The following PEAK1 variants were observed in gnomAD, a reference collection of about 807,000 sequenced individuals.
PEAK1 encodes the protein inactive tyrosine-protein kinase PEAK1.
Under a neutral mutation model 124.7 loss-of-function variants are expected in PEAK1, and 54 were observed. The observed-to-expected ratio is 0.43, with a 90% CI of 0.35 to 0.54. PEAK1 has a LOEUF of 0.54. Among genes scored for constraint, PEAK1 ranks in the 20% least tolerant of loss-of-function variants. The pLI is 0.01. For missense variants in PEAK1, 2,046 were observed against 2,134.5 expected, an observed-to-expected ratio of 0.96 and a Z score of 0.82; for synonymous variants, 719 against 760.0, an observed-to-expected ratio of 0.95 and a Z score of 0.89.
At chr15:77,399,656 A>C (rs923649255) in intron 1 of PEAK1, among the ~76,000 whole-genome samples, 1 of 152,228 alleles carries the variant, frequency 6.6e-6, no homozygotes, top group Non-Finnish European at 1.5e-5. Context: ...ATACACAAAA[A>C]GTCAAATCAA....
At position 77,133,810 on chromosome 15, in the gene PEAK1, A is replaced by G; in HGVS notation, c.3332-60T>C. ...TAAGTAAAGTTTTCAATCTAATTTT[A>G]TAACTGAAACTTGAGCAGAAATGAG... On this transcript the variant is annotated intron_variant, in intron 8 of 9. Transcript: ENST00000682557. This position sits in a 1 kb window ranked among gnomAD's most constrained non-coding sequence, Gnocchi z 4.2. 1.4e-6 allele frequency: 2 copies of G among 1,481,270 alleles called. No homozygotes were observed. The highest frequency in any genetic ancestry group is 1.8e-6 in the Non-Finnish European group (2 of 1,117,524). 91.8% of individuals were successfully genotyped at this position (1,481,270 alleles called of 1,614,324 possible). A position where few individuals can be genotyped will look rare whatever the true frequency, so the allele number is the denominator to read the frequency against.
chr15:77,175,901 C>T (rs2056832624), intron 7 of PEAK1, among the ~76,000 whole-genome samples: 1 of 152,168 alleles, frequency 6.6e-6, no homozygotes, highest in Non-Finnish European at 1.5e-5. Context: ...GGCACATATA[C>T]ACCACAGAAT....
intron 9 of PEAK1, among the ~76,000 whole-genome samples, chr15:77,122,755 C>T (rs1040810247): frequency 2.6e-5 from 4 of 152,182 alleles, no homozygotes; most frequent in Admixed American, 2.6e-4. Context: ...TGATCAATCA[C>T]TTTCTGTAAA....
intron 6 of PEAK1, among the ~76,000 whole-genome samples, chr15:77,210,155 A>ATG (rs1423112153): frequency 2.2e-4 from 33 of 152,338 alleles, no homozygotes; most frequent in Middle Eastern, 3.4e-3. Context: ...AACTATCCTT[A>ATG]TATTTACTTC....
chr15:77,239,924 C>T lies in PEAK1; in HGVS notation c.-115+12443G>A, dbSNP rs1277161290. 1.3e-5 allele frequency: 10 copies of T among 790,360 alleles called. No individual in the cohort carries two copies. In the East Asian group the frequency reaches 1.1e-3, roughly 90 times the overall value. The allele number at this position is 790,360 out of a possible 1,614,324, so 49.0% of individuals were successfully genotyped here. On this transcript the variant is annotated intron_variant, in intron 6 of 9. Coordinates refer to ENST00000682557, the MANE Select transcript of PEAK1 (RefSeq NM_001385026.1). ...ATAATGGCAACCTAATTATATGTTTCTGTTTGTATTTTTTAAAATACTATG... is the reference window on the plus strand; with the variant it reads ...ATAATGGCAACCTAATTATATGTTTTTGTTTGTATTTTTTAAAATACTATG...
chr15:77,286,860 A>G (rs1002808113), intron 2 of PEAK1, among the ~76,000 whole-genome samples: 1 of 152,178 alleles, frequency 6.6e-6, no homozygotes, highest in Non-Finnish European at 1.5e-5. Flanking sequence ...TTACACAAAA[A>G]TACTTCTGGT....
intron 1 of PEAK1, among the ~76,000 whole-genome samples, chr15:77,382,547 A>G (rs2069573149): frequency 6.6e-6 from 1 of 152,114 alleles, no homozygotes; most frequent in African/African-American, 2.4e-5. Flanking sequence ...CCAAATCTGC[A>G]TTAGGCTCCC....
chr15:77,195,239 G>A (rs1306702016), intron 6 of PEAK1, among the ~76,000 whole-genome samples: 1 of 152,046 alleles, frequency 6.6e-6, no homozygotes, highest in Non-Finnish European at 1.5e-5. Flanking sequence ...CAAACCCACA[G>A]TTATCCAGAA....
intron 7 of PEAK1, among the ~76,000 whole-genome samples, chr15:77,159,123 A>G (rs765606245): frequency 2.0e-5 from 3 of 152,166 alleles, no homozygotes; most frequent in Non-Finnish European, 4.4e-5. Context: ...TTTAATTTAT[A>G]TATAGTATTT....
exon 7 of PEAK1, chr15:77,101,130 A>C (rs1212745313): frequency 6.6e-6 from 1 of 152,112 alleles, no homozygotes; most frequent in Non-Finnish European, 1.5e-5. Flanking sequence ...TCAGTTTACC[A>C]CTGTGCCTGA....
At chr15:77,326,698 T>C (rs1447867449) in intron 2 of PEAK1, among the ~76,000 whole-genome samples, 1 of 152,132 alleles carries the variant, frequency 6.6e-6, no homozygotes, top group Non-Finnish European at 1.5e-5. Context: ...GATGTTAAGA[T>C]GTTTCTGAAA....
At chr15:77,219,093 CAT>C (rs1325801255) in intron 6 of PEAK1, among the ~76,000 whole-genome samples, 1 of 152,080 alleles carries the variant, frequency 6.6e-6, no homozygotes, top group African/African-American at 2.4e-5. Context: ...ATAACATAAT[CAT>C]ATCTATATTC....
At chr15:77,348,428 T>G (rs1406363719) in intron 2 of PEAK1, 1 of 930,748 alleles carries the variant, frequency 1.1e-6, no homozygotes, top group Non-Finnish European at 1.3e-6. Context: ...AAAAAACAGC[T>G]GATTTTTTAA....
intron 1 of PEAK1, among the ~76,000 whole-genome samples, chr15:77,409,754 T>C (rs2072240312): frequency 6.6e-6 from 1 of 152,218 alleles, no homozygotes; most frequent in Non-Finnish European, 1.5e-5. Context: ...CTTAAGATAC[T>C]AGCCTCTTAG....
rs565332730 is a variant in PEAK1 at position 77,166,576 on chromosome 15, C to T, written c.3138-7880G>A. ...TGTCAAATGTGCCCCGGGGGGGAAT[C>T]CCATCCCCCTTTAAGTCTCACAACA... On this transcript the variant is annotated intron_variant, in intron 7 of 9. Transcript: ENST00000682557. Among the ~76,000 whole-genome samples the T allele has an allele frequency of 5.3e-5, 8 of 152,314 alleles. No individual in the cohort carries two copies. The East Asian group carries it at 1.5e-3, about 29-fold the overall frequency.
chr15:77,132,886 A>G (rs11638220), intron 9 of PEAK1, 119 bp downstream of exon 9: 313,199 of 950,554 alleles, frequency 0.33, 55,504 homozygotes, highest in Non-Finnish European at 0.37. Flanking sequence ...TAAGAGGTAG[A>G]TGCTCAATAA....
At chr15:77,242,552 C>T (rs1319640629) in intron 6 of PEAK1, among the ~76,000 whole-genome samples, 6 of 152,058 alleles carry the variant, frequency 3.9e-5, no homozygotes, top group Non-Finnish European at 5.9e-5. Flanking sequence ...GCTATGAAAT[C>T]GCTAACAAAG....
intron 6 of PEAK1, among the ~76,000 whole-genome samples, chr15:77,191,559 G>T (rs2152833818): frequency 6.6e-6 from 1 of 152,264 alleles, no homozygotes; most frequent in South Asian, 2.1e-4. Flanking sequence ...TGCTTCTACA[G>T]GGAAAACATA....
chr15:77,286,084 A>T (rs1243335518), intron 3 of PEAK1, among the ~76,000 whole-genome samples: 1 of 152,190 alleles, frequency 6.6e-6, no homozygotes, highest in East Asian at 1.9e-4. Flanking sequence ...TTTGGTTTCA[A>T]AGAACATCTT....
Sources: gnomAD v4.1 joint callset for allele counts (sites outside exome capture counted in the v4.1 genomes callset) on GRCh38, gnomAD v4.1.1 for gene constraint, Gnocchi (gnomAD v3.1) non-coding constraint, MANE v1.5 for transcripts, NCBI Gene and HGNC (gene_info 2026-07-23, HGNC 2026-07-21) for gene names.